The following ARHGAP26 variants were observed in gnomAD, a reference collection of about 807,000 sequenced individuals.
ARHGAP26 encodes the protein rho GTPase-activating protein 26.
Under a neutral mutation model 104.8 loss-of-function variants are expected in ARHGAP26, and 38 were observed. The ratio of observed to expected loss-of-function variants is 0.36; its 90% CI spans 0.28 to 0.48. The LOEUF (loss-of-function observed/expected upper bound fraction) is 0.48, where lower values mean the gene tolerates loss of function less well. Ranked by LOEUF, ARHGAP26 falls within the 20% of genes least tolerant of loss-of-function variation. The pLI is 0.99. For missense variants in ARHGAP26, 704 were observed against 947.9 expected (o/e 0.74, Z 3.38); for synonymous variants, 341 against 340.0 (o/e 1.00, Z -0.03).
chr5:143,072,955 T>G (rs1788484435), intron 17 of ARHGAP26, among the ~76,000 whole-genome samples: 1 of 152,336 alleles, frequency 6.6e-6, no homozygotes, highest in Middle Eastern at 3.4e-3. Context: ...ATTACCCTGG[T>G]CTGATCACCA....
intron 17 of ARHGAP26, among the ~76,000 whole-genome samples, chr5:143,061,029 T>C (rs1786622281): frequency 6.6e-6 from 1 of 152,230 alleles, no homozygotes; most frequent in Admixed American, 6.5e-5. Context: ...CAATTTGACT[T>C]TGTGTTGAGT....
intron 1 of ARHGAP26, among the ~76,000 whole-genome samples, chr5:142,859,085 A>G (rs1318652296): frequency 6.6e-6 from 1 of 152,068 alleles, no homozygotes; most frequent in Non-Finnish European, 1.5e-5. Flanking sequence ...GTGGGGTGGG[A>G]AGAGTTATAA....
chr5:142,965,455 G>T lies in ARHGAP26; in HGVS notation c.1107+33330G>T, dbSNP rs561522152. 1.4e-4 allele frequency among the ~76,000 whole-genome samples: 21 copies of T among 152,308 alleles called. 1 individual carries two copies. Among genetic ancestry groups the T allele is most frequent in the African/African-American group, 5.1e-4 (21 of 41,570 alleles). ...CGTCTTCCCAGACGCTGGCATCACC[G>T]CTAGACCAAGGAGCCCTCTGGTGGC... On this transcript the variant is annotated intron_variant, in intron 11 of 22. Transcript: ENST00000645722.
rs531779546 is a variant in ARHGAP26, at chr5:142,861,896, G to C, written c.155-11504G>C. ...GCTTATTTGGCTGGATGAAGGCCTC[G>C]ATTTACCCACCATACCTTGTTTTTC... On this transcript the variant is annotated intron_variant, in intron 1 of 22. Transcript: ENST00000645722. Among the ~76,000 whole-genome samples the C allele has an allele frequency of 1.2e-4, 19 of 152,272 alleles. No individual in the cohort carries two copies. In the South Asian group the frequency reaches 3.9e-3, roughly 32 times the overall value.
chr5:143,068,297 T>C (rs1333162194), intron 17 of ARHGAP26, among the ~76,000 whole-genome samples: 1 of 152,248 alleles, frequency 6.6e-6, no homozygotes, highest in Non-Finnish European at 1.5e-5. Context: ...CCTGGCATCC[T>C]ACTACATTTC....
At chr5:143,133,682 T>C (rs7727753) in intron 18 of ARHGAP26, among the ~76,000 whole-genome samples, 1,548 of 152,294 alleles carry the variant, frequency 0.01, 31 homozygotes, top group African/African-American at 0.035. Context: ...GCTTTCTTTT[T>C]CCCTGGAGAG....
chr5:142,783,066 T>G (rs1483239659), intron 1 of ARHGAP26, among the ~76,000 whole-genome samples: 1 of 152,002 alleles, frequency 6.6e-6, no homozygotes, highest in African/African-American at 2.4e-5. Context: ...GACCACACAT[T>G]AGGTCTAAAT....
chr5:143,000,951 G>A (rs760128487), intron 11 of ARHGAP26, among the ~76,000 whole-genome samples: 13 of 152,004 alleles, frequency 8.6e-5, no homozygotes, highest in Admixed American at 3.3e-4. Flanking sequence ...TCTAGATGAT[G>A]GGTGGATAGG....
At chr5:143,206,178 T>C (rs2151343882) in intron 20 of ARHGAP26, among the ~76,000 whole-genome samples, 1 of 152,348 alleles carries the variant, frequency 6.6e-6, no homozygotes, top group South Asian at 2.1e-4. Context: ...TGAACCGGAT[T>C]TCTGTCATTT....
intron 4 of ARHGAP26, among the ~76,000 whole-genome samples, chr5:142,883,475 A>G (rs1000682970): frequency 1.3e-5 from 2 of 152,260 alleles, no homozygotes; most frequent in East Asian, 3.8e-4. Context: ...GTATGTGAAC[A>G]GTCTTTTAAG....
At chr5:142,922,751 C>T (rs187766878) in intron 10 of ARHGAP26, among the ~76,000 whole-genome samples, 36 of 152,290 alleles carry the variant, frequency 2.4e-4, no homozygotes, top group Middle Eastern at 3.4e-3. Context: ...CCTACTTTTC[C>T]CTCCTGGTGC....
At chr5:143,025,250 CTTACACAAGCAGT>C (rs1780886335) in intron 12 of ARHGAP26, among the ~76,000 whole-genome samples, 1 of 152,162 alleles carries the variant, frequency 6.6e-6, no homozygotes, top group Admixed American at 6.5e-5. Context: ...GTATGCCCAG[CTTACACAAGCAGT>C]TTGTGGAGAC....
At chr5:143,131,172 T>C (rs1479858013) in intron 18 of ARHGAP26, among the ~76,000 whole-genome samples, 2 of 152,234 alleles carry the variant, frequency 1.3e-5, no homozygotes, top group African/African-American at 4.8e-5. Context: ...ACCATGTCTC[T>C]TCCTGCTCTG....
At chr5:142,793,936 C>T (rs1386295421) in intron 1 of ARHGAP26, among the ~76,000 whole-genome samples, 2 of 152,136 alleles carry the variant, frequency 1.3e-5, no homozygotes, top group African/African-American at 4.8e-5. Flanking sequence ...TTCTTCTGGC[C>T]ACACCAAACG....
intron 1 of ARHGAP26, among the ~76,000 whole-genome samples, chr5:142,822,147 C>A (rs1340180257): frequency 6.6e-6 from 1 of 152,222 alleles, no homozygotes; most frequent in Non-Finnish European, 1.5e-5. Context: ...TCTTCTTCCT[C>A]TTCTTGCCTT....
intron 11 of ARHGAP26, among the ~76,000 whole-genome samples, chr5:142,941,576 T>C (rs1766357779): frequency 6.6e-6 from 1 of 152,208 alleles, no homozygotes; most frequent in Non-Finnish European, 1.5e-5. Context: ...TTTTGTGTCA[T>C]GTGAGTGCTT....
At chr5:142,902,736 CAGTGTTGTCTCAGAGAACAGGA>C (rs1760543249) in intron 7 of ARHGAP26, among the ~76,000 whole-genome samples, 2 of 152,306 alleles carry the variant, frequency 1.3e-5, no homozygotes, top group African/African-American at 4.8e-5. Context: ...ACATAGTAGT[CAGTGTTGTCTCAGAGAACAGGA>C]AGTTGCAGAA....
intron 11 of ARHGAP26, among the ~76,000 whole-genome samples, chr5:142,971,076 G>A (rs1772196296): frequency 6.6e-6 from 1 of 152,146 alleles, no homozygotes; most frequent in Admixed American, 6.5e-5. Flanking sequence ...TTTGAAGACT[G>A]AGATACAAAT....
In ARHGAP26 at chr5:143,201,351, G is replaced by A. The variant is rs10071771; in HGVS notation, c.1989-5847G>A. Among the ~76,000 whole-genome samples, 943 of 152,262 alleles carry A rather than the reference G, an allele frequency of 6.2e-3. 8 individuals carry two copies. The highest frequency in any genetic ancestry group is 0.022 in the African/African-American group (904 of 41,542). On this transcript the variant is annotated intron_variant, in intron 20 of 22. Transcript: ENST00000645722. ...CCTTTAGCAGTCATCTGCTAAAATTGTAGTTATAAAATCATTTTCTCCTCT... is the reference window on the plus strand; with the variant it reads ...CCTTTAGCAGTCATCTGCTAAAATTATAGTTATAAAATCATTTTCTCCTCT...
Sources: allele counts gnomAD v4.1 joint callset (sites outside exome capture counted in the v4.1 genomes callset), GRCh38; gene constraint gnomAD v4.1.1; transcripts MANE v1.5; gene names NCBI Gene and HGNC (gene_info 2026-07-23, HGNC 2026-07-21).